The following FARS2 variants were observed in gnomAD, a reference collection of about 807,000 sequenced individuals.
FARS2 encodes phenylalanine--tRNA ligase, mitochondrial.
Under a neutral mutation model 46.4 loss-of-function variants are expected in FARS2, and 40 were observed. That is an observed-to-expected ratio of 0.86 (90% CI 0.67 to 1.12). The LOEUF (loss-of-function observed/expected upper bound fraction) is 1.12. Among genes scored for constraint, FARS2 ranks in the 50% most tolerant of loss-of-function variants. The probability of loss-of-function intolerance (pLI) is 0.00; values close to 1 mark genes in which losing one functional copy is unlikely to be tolerated. For missense variants in FARS2, 513 were observed against 567.9 expected (o/e 0.90, Z 0.98); for synonymous variants, 234 against 214.9 (o/e 1.09, Z -0.78).
chr6:5,325,002 CTCA>C (rs1417304522), intron 1 of FARS2, among the ~76,000 whole-genome samples: 2 of 152,134 alleles, frequency 1.3e-5, no homozygotes, highest in Non-Finnish European at 2.9e-5. Flanking sequence ...TTCTATGTAC[CTCA>C]TGGTGGCAGA....
At chr6:5,254,024 G>A in the FARS2 span, among the ~76,000 whole-genome samples, 4 of 152,166 alleles carry the variant, frequency 2.6e-5, no homozygotes, top group Non-Finnish European at 5.9e-5. Flanking sequence ...TCAAAAAAAG[G>A]TCATGCTCAC....
intron 6 of FARS2, among the ~76,000 whole-genome samples, chr6:5,721,320 TAGAAAAG>T (rs977340942): frequency 2.6e-5 from 4 of 152,220 alleles, no homozygotes; most frequent in Non-Finnish European, 5.9e-5. Context: ...GATATTTTGT[TAGAAAAG>T]GGAAAAGTGT....
chr6:5,399,198 G>A (rs1035994692), intron 2 of FARS2, among the ~76,000 whole-genome samples: 1 of 144,532 alleles, frequency 6.9e-6, no homozygotes. Flanking sequence ...TCATCGAGAC[G>A]GAGTCTCCTT....
At chr6:5,447,227 G>A (rs1327546527) in intron 4 of FARS2, among the ~76,000 whole-genome samples, 1 of 152,200 alleles carries the variant, frequency 6.6e-6, no homozygotes, top group Admixed American at 6.5e-5. Context: ...AGCTGAAGCA[G>A]CAGTAGCAGT....
At chr6:5,416,375 G>A (rs78634974) in intron 3 of FARS2, among the ~76,000 whole-genome samples, 2,636 of 152,212 alleles carry the variant, frequency 0.017, 63 homozygotes, top group African/African-American at 0.06. Context: ...TTCCAGCATC[G>A]TTTGTTGAAA....
At chr6:5,678,698 A>G (rs527251928) in intron 6 of FARS2, among the ~76,000 whole-genome samples, 1 of 152,194 alleles carries the variant, frequency 6.6e-6, no homozygotes, top group Non-Finnish European at 1.5e-5. Context: ...CATCCTTCAG[A>G]AGGGCCAAAG....
At chr6:5,659,086 A>G (rs1359524522) in intron 6 of FARS2, among the ~76,000 whole-genome samples, 1 of 152,170 alleles carries the variant, frequency 6.6e-6, no homozygotes, top group African/African-American at 2.4e-5. Flanking sequence ...GACTTGCGGT[A>G]TGGAAGGCTT....
At chr6:5,749,517 C>G (rs1158858549) in intron 6 of FARS2, among the ~76,000 whole-genome samples, 3 of 152,202 alleles carry the variant, frequency 2.0e-5, no homozygotes, top group African/African-American at 7.2e-5. Flanking sequence ...GGGACTGGCA[C>G]TGACCCAGGC....
intron 1 of FARS2, among the ~76,000 whole-genome samples, chr6:5,302,409 C>T: frequency 6.6e-6 from 1 of 152,110 alleles, no homozygotes; most frequent in East Asian, 1.9e-4. Context: ...AGTCGCAAAG[C>T]TGCTTGGGTT....
At chr6:5,307,409 A>G (rs1400071565) in intron 1 of FARS2, among the ~76,000 whole-genome samples, 1 of 152,104 alleles carries the variant, frequency 6.6e-6, no homozygotes, top group Non-Finnish European at 1.5e-5. Context: ...GTTCTTTGGG[A>G]TATTTTTTCA....
chr6:5,635,955 C>CA (rs1007228543), intron 6 of FARS2, among the ~76,000 whole-genome samples: 3 of 151,614 alleles, frequency 2.0e-5, no homozygotes, highest in African/African-American at 4.8e-5. Flanking sequence ...ATTGGTATTT[C>CA]AAAAAAAATG....
intron 3 of FARS2, among the ~76,000 whole-genome samples, chr6:5,418,986 A>G (rs1272392377): frequency 6.6e-6 from 1 of 150,932 alleles, no homozygotes; most frequent in African/African-American, 2.4e-5. Flanking sequence ...TCGTTTGGCT[A>G]CTCCTTCTGG....
intron 2 of FARS2, among the ~76,000 whole-genome samples, chr6:5,384,038 T>G (rs933680659): frequency 6.6e-6 from 1 of 152,178 alleles, no homozygotes; most frequent in African/African-American, 2.4e-5. Context: ...TGGGTGAAGT[T>G]TTCTCCTACT....
At chr6:5,738,144 G>T (rs980361492) in intron 6 of FARS2, among the ~76,000 whole-genome samples, 2 of 152,142 alleles carry the variant, frequency 1.3e-5, no homozygotes, top group African/African-American at 4.8e-5. Flanking sequence ...TAGAGACAGG[G>T]TCTCACTATG....
At chr6:5,715,127 C>T (rs991157027) in intron 6 of FARS2, among the ~76,000 whole-genome samples, 6 of 152,158 alleles carry the variant, frequency 3.9e-5, no homozygotes, top group African/African-American at 1.2e-4. Context: ...AACTCGTGCA[C>T]GCCCATATTA....
intron 4 of FARS2, among the ~76,000 whole-genome samples, chr6:5,475,798 C>T (rs992936214): frequency 6.6e-6 from 1 of 152,168 alleles, no homozygotes; most frequent in Non-Finnish European, 1.5e-5. Context: ...CCCTCTTCCA[C>T]TCTTTGCCTG....
In FARS2 at chr6:5,343,232, A is replaced by T. The variant is rs1431503075; in HGVS notation, c.-21-25318A>T. On this transcript the variant is annotated intron_variant, in intron 1 of 6. Coordinates refer to ENST00000274680, the MANE Select transcript of FARS2 (RefSeq NM_006567.5). The surrounding 1 kb of genome is among the most constrained non-coding windows in gnomAD (Gnocchi z 4.5). ...TATTTATCTATTTATTTATTTAGAGATGGAATTTCGCTCTCGTTGCCCAGG... is the reference window on the plus strand; with the variant it reads ...TATTTATCTATTTATTTATTTAGAGTTGGAATTTCGCTCTCGTTGCCCAGG... 1.3e-5 allele frequency among the ~76,000 whole-genome samples: 2 copies of T among 152,118 alleles called. No individual in the cohort carries two copies. The highest frequency in any genetic ancestry group is 4.8e-5 in the African/African-American group (2 of 41,422).
intron 6 of FARS2, among the ~76,000 whole-genome samples, chr6:5,672,379 A>C (rs1471780863): frequency 6.6e-6 from 1 of 152,138 alleles, no homozygotes; most frequent in Non-Finnish European, 1.5e-5. Context: ...TCTGCCTCTC[A>C]AGCCAGTGTT....
chr6:5,376,123 C>T (rs928998328), intron 2 of FARS2, among the ~76,000 whole-genome samples: 1 of 152,118 alleles, frequency 6.6e-6, no homozygotes, highest in Non-Finnish European at 1.5e-5. Context: ...TACATGATCA[C>T]TACCAATCTT....
Sources: allele counts gnomAD v4.1 joint callset (sites outside exome capture counted in the v4.1 genomes callset), GRCh38; gene constraint gnomAD v4.1.1; non-coding constraint Gnocchi (gnomAD v3.1); transcripts MANE v1.5; gene names NCBI Gene and HGNC (gene_info 2026-07-23, HGNC 2026-07-21).